ENTPD8: variants seen among roughly 807,000 people sequenced by gnomAD.
ENTPD8 encodes the protein ectonucleoside triphosphate diphosphohydrolase 8, also known as E-NTPDase 8.
Under a neutral mutation model 47.0 loss-of-function variants are expected in ENTPD8, and 35 were observed. That is an observed-to-expected ratio of 0.75 (90% CI 0.57 to 0.99). ENTPD8 has a LOEUF of 0.99. Ranked by LOEUF, ENTPD8 falls within the 50% of genes least tolerant of loss-of-function variation. ENTPD8 has a pLI of 0.00. For synonymous variants in ENTPD8, 308 were observed against 290.5 expected, an observed-to-expected ratio of 1.06 and a Z score of -0.61; for missense variants, 668 against 649.9, an observed-to-expected ratio of 1.03 and a Z score of -0.30.
In ENTPD8 at chr9:137,437,274, G is replaced by A. The variant is rs1378786592; in HGVS notation, c.280C>T (p.Gln94Ter). Residue 94 changes from glutamine to a stop codon, truncating the protein, a stop_gained, in exon 4 of 10, where the codon CAG becomes TAG. Transcript: ENST00000371506. LOFTEE classifies it high-confidence loss of function. The stretch of plus-strand genomic sequence containing the variant: ...CAGCCCTGCAGGCTCTCACCAGCCT[G>A]TGCAGCATTAGAAGTGTAGGAGGAG... ...GISSYTSNAAQAGESLQGCLE... is the reference protein window; with the variant it reads ...GISSYTSNAA The A allele has an allele frequency of 2.5e-6, 4 of 1,613,064 alleles. No individual in the cohort carries two copies. The highest frequency in any genetic ancestry group is 2.2e-5 in the East Asian group (1 of 44,884).
intron 6 of ENTPD8, 68 bp downstream of exon 6, chr9:137,436,453 C>T (rs1839361487): frequency 6.7e-7 from 1 of 1,497,614 alleles, no homozygotes; most frequent in African/African-American, 1.4e-5. Context: ...GGCCGGATGA[C>T]CCACGCCAGC....
intron 6 of ENTPD8, 114 bp from the exon 7 acceptor site, chr9:137,436,390 G>C: frequency 7.1e-7 from 1 of 1,412,290 alleles, no homozygotes; most frequent in Non-Finnish European, 9.4e-7. Context: ...GCCCTCCCCG[G>C]TGCCGGATGA....
intron 9 of ENTPD8, 30 bp downstream of exon 9, chr9:137,435,174 G>A (rs762557874): frequency 1.6e-5 from 26 of 1,603,342 alleles, no homozygotes; most frequent in African/African-American, 1.1e-4. Context: ...CCACGCCCAC[G>A]CCCCGCCCAC....
In ENTPD8 at chr9:137,436,191, G is replaced by C; in HGVS notation, c.872C>G (p.Pro291Arg). 2 of 1,612,802 alleles carry C rather than the reference G, an allele frequency of 1.2e-6. No homozygotes were observed. Among genetic ancestry groups the C allele is most frequent in the Non-Finnish European group, 1.7e-6 (2 of 1,179,914 alleles). ...TLALGPLYES[P>R]CVHATPPLSL... ...CAGCGGGGGCGTGGCGTGGACACAGGGTGACTCATACAGCGGGCCCAGGGC... is the reference window on the plus strand; with the variant it reads ...CAGCGGGGGCGTGGCGTGGACACAGCGTGACTCATACAGCGGGCCCAGGGC... Residue 291 changes from proline to arginine, a missense_variant, in exon 7 of 10, where the codon CCC becomes CGC. Transcript: ENST00000371506.
chr9:137,436,827 C>T (rs1839376700), intron 5 of ENTPD8, 42 bp downstream of exon 5: 1 of 1,606,522 alleles, frequency 6.2e-7, no homozygotes, highest in Admixed American at 1.7e-5. Flanking sequence ...CAGACACCAG[C>T]CCCTCGCAGA....
Position 137,434,810 on chromosome 9 carries a change from A to C in ENTPD8, c.*104T>G. The C allele has an allele frequency of 2.3e-5, 31 of 1,363,662 alleles. No homozygotes were observed. Among genetic ancestry groups the C allele is most frequent in the Non-Finnish European group, 2.9e-5 (30 of 1,029,654 alleles). 84.5% of individuals were successfully genotyped at this position (1,363,662 alleles called of 1,614,324 possible). A position where few individuals can be genotyped will look rare whatever the true frequency, so the allele number is the denominator to read the frequency against. On this transcript the variant is annotated 3_prime_UTR_variant, in exon 10 of 10. Transcript: ENST00000371506. Reference sequence around the variant, plus strand: ...AGGTGGCTGTCACCTGACCGTGGGCAGAGCCACAGAGCAAGGCCCCACGGC... The same window carrying C: ...AGGTGGCTGTCACCTGACCGTGGGCCGAGCCACAGAGCAAGGCCCCACGGC...
rs187052542 is a variant in ENTPD8, at chr9:137,435,658, C to T, written c.1161+61G>A. 6.4e-5 allele frequency: 95 copies of T among 1,486,978 alleles called. No individual in the cohort carries two copies. The East Asian group carries it at 6.8e-4, about 11-fold the overall frequency. 92.1% of individuals were successfully genotyped at this position (1,486,978 alleles called of 1,614,324 possible). On this transcript the variant is annotated intron_variant, in intron 8 of 9. Transcript: ENST00000371506. ...CAGAATGAGGCTCCAGCATCCTGCC[C>T]GAGGCAGCCCTGTACCCTCAGGGAC...
chr9:137,439,389 G>A (rs1362426716), intron 1 of ENTPD8, among the ~76,000 whole-genome samples: 2 of 152,124 alleles, frequency 1.3e-5, no homozygotes, highest in African/African-American at 4.8e-5. Flanking sequence ...AAAGCCAGAG[G>A]CTGCCTGCCA....
rs898145311 is a variant in ENTPD8, at chr9:137,435,326, A to G, written c.1174T>C (p.Tyr392His). The change falls in exon 9 of 10, where the codon TAC becomes CAC. Residue 392 changes from tyrosine (Y) to histidine (H), a missense_variant. Tyr to His is a moderately conservative substitution (Grantham distance 83). Transcript: ENST00000371506. Reference sequence around the variant, plus strand: ...CGCAGCCAGCGGTCCTGCCCAGGGTAGCTGGCCTCCACCTGGGGCCCAGGA... The same window carrying G: ...CGCAGCCAGCGGTCCTGCCCAGGGTGGCTGGCCTCCACCTGGGGCCCAGGA... ...QRPWKLVEAS[Y>H]PGQDRWLRDY... 2.5e-6 allele frequency: 4 copies of G among 1,610,534 alleles called. No individual in the cohort carries two copies. Among genetic ancestry groups the G allele is most frequent in the Non-Finnish European group, 3.4e-6 (4 of 1,178,986 alleles).
rs1212722814 is a variant in ENTPD8, at chr9:137,434,479, C to G, written c.*435G>C. 1.5e-5 allele frequency: 18 copies of G among 1,230,880 alleles called. No homozygotes were observed. The highest frequency in any genetic ancestry group is 2.3e-5 in the Admixed American group (1 of 42,646). The allele number at this position is 1,230,880 out of a possible 1,614,324, so 76.2% of individuals were successfully genotyped here. ...GCCCCCAGGCCTGGACTCCATCCAT[C>G]TGCTCAGACAACAGCAGGGAGAGCG... On this transcript the variant is annotated 3_prime_UTR_variant, in exon 10 of 10. Coordinates refer to ENST00000371506, the MANE Select transcript of ENTPD8 (RefSeq NM_001033113.2).
Position 137,438,467 on chromosome 9 carries a change from G to A in ENTPD8, c.-20-162C>T, listed in dbSNP as rs1564248630. Among the ~76,000 whole-genome samples, 2 of 151,094 alleles carry A rather than the reference G, an allele frequency of 1.3e-5. No homozygotes were observed. Among genetic ancestry groups the A allele is most frequent in the Non-Finnish European group, 3.0e-5 (2 of 67,650 alleles). On this transcript the variant is annotated intron_variant, in intron 1 of 9. Transcript: ENST00000371506. The surrounding 1 kb of genome is among the most constrained non-coding windows in gnomAD (Gnocchi z 5.7). ...TCAGACGCCTCCCGTGGCCATAGAG[G>A]CATCCCCGGGGCTCAGACGGTCTCC...
At chr9:137,437,872 A>G in intron 3 of ENTPD8, 95 bp downstream of exon 3, 1 of 1,152,794 alleles carries the variant, frequency 8.7e-7, no homozygotes, top group Non-Finnish European at 1.2e-6. Flanking sequence ...CAGCCAAGTC[A>G]CTGAACCTCT....
In ENTPD8 at chr9:137,438,752, G is replaced by A. The variant is rs747272655; in HGVS notation, c.-20-447C>T. Among the ~76,000 whole-genome samples, 2 of 152,144 alleles carry A rather than the reference G, an allele frequency of 1.3e-5. No individual in the cohort carries two copies. The highest frequency in any genetic ancestry group is 6.5e-5 in the Admixed American group (1 of 15,290). ...GGTGCCATGGGCATCAGAGGGCCCT[G>A]TGGGAGGGGGGCGGGGGGCAGCAGA... On this transcript the variant is annotated intron_variant, in intron 1 of 9. Transcript: ENST00000371506. The surrounding 1 kb of genome is among the most constrained non-coding windows in gnomAD (Gnocchi z 5.7).
chr9:137,438,949 C>T lies in ENTPD8; in HGVS notation c.-20-644G>A, dbSNP rs1049243711. ...CAGGAGCAGCCACAGCTCCAGCCTG[C>T]ACTGGGGGCCCAGGGCTCTGCCTCC... On this transcript the variant is annotated intron_variant, in intron 1 of 9. Coordinates refer to ENST00000371506, the MANE Select transcript of ENTPD8 (RefSeq NM_001033113.2). This position sits in a 1 kb window ranked among gnomAD's most constrained non-coding sequence, Gnocchi z 5.7. 6.6e-6 allele frequency among the ~76,000 whole-genome samples: 1 copy of T among 152,138 alleles called. No homozygotes were observed. The highest frequency in any genetic ancestry group is 6.5e-5 in the Admixed American group (1 of 15,282).
intron 6 of ENTPD8, 93 bp downstream of exon 6, chr9:137,436,428 G>A: frequency 7.4e-7 from 1 of 1,348,800 alleles, no homozygotes; most frequent in Non-Finnish European, 1.0e-6. Context: ...CCCATACCCT[G>A]TGCCCCCTCC....
Position 137,438,271 on chromosome 9 carries a change from C to G in ENTPD8, c.15G>C (p.Arg5=). The part of the protein sequence containing the change: MGLS[R]KEQVFLALLG... Reference sequence around the variant, plus strand: ...GCAGGGCCAAGAAGACCTGCTCCTTCCGGGACAGCCCCATGGTGCAGGTGG... The same window carrying G: ...GCAGGGCCAAGAAGACCTGCTCCTTGCGGGACAGCCCCATGGTGCAGGTGG... The change falls in exon 2 of 10, where the codon CGG becomes CGC. Residue 5 remains arginine (R), a synonymous_variant. Transcript: ENST00000371506. The surrounding 1 kb of genome is among the most constrained non-coding windows in gnomAD (Gnocchi z 5.7). 1 of 1,587,446 alleles carries G rather than the reference C, an allele frequency of 6.3e-7. No individual in the cohort carries two copies. The highest frequency in any genetic ancestry group is 1.1e-5 in the South Asian group (1 of 88,252).
chr9:137,437,990 T>C lies in ENTPD8; in HGVS notation c.221A>G (p.Gln74Arg), dbSNP rs935456022. 5 of 1,612,636 alleles carry C rather than the reference T, an allele frequency of 3.1e-6. No individual in the cohort carries two copies. Among genetic ancestry groups the C allele is most frequent in the Non-Finnish European group, 3.4e-6 (4 of 1,179,866 alleles). ...ACCTTCCACCTGGCAGGCCAGGGCC[T>C]GGCTGACCACACCCGTGCCATTCTC... ...NKENGTGVVS[Q>R]ALACQVEGPG... The change falls in exon 3 of 10, where the codon CAG (glutamine) becomes CGG (arginine). Residue 74 changes from glutamine (Q) to arginine (R), a missense_variant. Physicochemically the swap from Gln to Arg is conservative, Grantham distance 43 (BLOSUM62 1). Transcript: ENST00000371506.
rs1427183692 is a variant in ENTPD8 at position 137,438,232 on chromosome 9, C to T, written c.54G>A (p.Gly18=). Residue 18 remains glycine, a synonymous_variant, in exon 2 of 10, where the codon GGG becomes GGA. Transcript: ENST00000371506. The surrounding 1 kb of genome is among the most constrained non-coding windows in gnomAD (Gnocchi z 5.7). ...GAATGAGTGCCGTGAGGCCTGAGAC[C>T]CCCGAGGCCCCCAGCAGGGCCAAGA... The part of the protein sequence containing the change: ...QVFLALLGAS[G]VSGLTALILL... The T allele has an allele frequency of 6.2e-7, 1 of 1,601,804 alleles. No individual in the cohort carries two copies. The highest frequency in any genetic ancestry group is 1.1e-5 in the South Asian group (1 of 89,510).
chr9:137,437,253 C>T lies in ENTPD8; in HGVS notation c.301G>A (p.Gly101Ser). The change falls in exon 4 of 10, where the codon GGC becomes AGC. Residue 101 changes from glycine (G) to serine (S), a missense_variant. Transcript: ENST00000371506. ...NAAQAGESLQGCLEEALVLIP... is the reference protein window; with the variant it reads ...NAAQAGESLQSCLEEALVLIP... ...AGCACCAGCGCCTCCTCCAAGCAGCCCTGCAGGCTCTCACCAGCCTGTGCA... is the reference window on the plus strand; with the variant it reads ...AGCACCAGCGCCTCCTCCAAGCAGCTCTGCAGGCTCTCACCAGCCTGTGCA... The T allele has an allele frequency of 6.2e-7, 1 of 1,613,050 alleles. No homozygotes were observed. The highest frequency in any genetic ancestry group is 8.5e-7 in the Non-Finnish European group (1 of 1,179,990).
Sources: gnomAD v4.1 joint callset for allele counts (sites outside exome capture counted in the v4.1 genomes callset) on GRCh38, gnomAD v4.1.1 for gene constraint, Gnocchi (gnomAD v3.1) non-coding constraint, MANE v1.5 for transcripts, NCBI Gene and HGNC (gene_info 2026-07-23, HGNC 2026-07-21) for gene names.